TFR2: variants seen among roughly 807,000 people sequenced by gnomAD.
TFR2 encodes transferrin receptor 2.
In TFR2, 64 loss-of-function variants were observed where a neutral mutation model predicts 91.9. The ratio of observed to expected loss-of-function variants is 0.70; its 90% CI spans 0.57 to 0.86. The LOEUF is 0.86. Ranked by LOEUF, TFR2 falls within the 40% of genes least tolerant of loss-of-function variation. The probability of loss-of-function intolerance (pLI) is 0.00; values close to 1 mark genes in which losing one functional copy is unlikely to be tolerated. For missense variants in TFR2, 950 were observed against 1,080.5 expected, an observed-to-expected ratio of 0.88 and a Z score of 1.69; for synonymous variants, 454 against 459.6, an observed-to-expected ratio of 0.99 and a Z score of 0.15.
In TFR2 at chr7:100,627,574, C is replaced by T; in HGVS notation, c.1767+3G>A. ...TGTCTGGGGCAGGGGGAGGACGTCTCACCTCCATAAAGGAGAACTCGACGG... is the reference window on the plus strand; with the variant it reads ...TGTCTGGGGCAGGGGGAGGACGTCTTACCTCCATAAAGGAGAACTCGACGG... On this transcript the variant is annotated splice_donor_region_variant and intron_variant, in intron 15 of 17. Coordinates refer to ENST00000223051, the MANE Select transcript of TFR2 (RefSeq NM_003227.4). 1 of 1,614,138 alleles carries T rather than the reference C, an allele frequency of 6.2e-7. No homozygotes were observed. Among genetic ancestry groups the T allele is most frequent in the Non-Finnish European group, 8.5e-7 (1 of 1,179,994 alleles).
At chr7:100,637,466 C>G (rs962183768) in intron 3 of TFR2, among the ~76,000 whole-genome samples, 1 of 151,566 alleles carries the variant, frequency 6.6e-6, no homozygotes, top group South Asian at 2.1e-4. Flanking sequence ...TGGTGGCTCA[C>G]GCCTGTAGTC....
intron 7 of TFR2, 68 bp from the exon 8 acceptor site, chr7:100,632,013 G>C: frequency 6.2e-7 from 1 of 1,614,054 alleles, no homozygotes; most frequent in Non-Finnish European, 8.5e-7. Context: ...AAACATGCCA[G>C]CCCTATTCTG....
chr7:100,631,138 C>T, intron 8 of TFR2, 86 bp from the exon 9 acceptor site: 1 of 1,393,508 alleles, frequency 7.2e-7, no homozygotes, highest in South Asian at 1.5e-5. Context: ...CTTTCCCTCC[C>T]ACCCTTTCTG....
In TFR2 at chr7:100,641,081, G is replaced by T. The variant is rs750469376; in HGVS notation, c.181C>A (p.Pro61Thr). Residue 61 changes from proline (P) to threonine (T), a missense_variant, in exon 2 of 18, where the codon CCC (proline) becomes ACC (threonine). Physicochemically the swap from Pro to Thr is conservative, Grantham distance 38. Coordinates refer to ENST00000223051, the MANE Select transcript of TFR2 (RefSeq NM_003227.4). ...FCPMELRGPE[P>T]LGSRPRQPNL... ...GGCTGCCTGGGTCTAGAGCCCAGGG[G>T]CTCAGGGCCCCTCAGCTCCATGGGG... is the stretch of plus-strand genomic sequence containing the variant. 1 of 1,601,292 alleles carries T rather than the reference G, an allele frequency of 6.2e-7. No individual in the cohort carries two copies. Among genetic ancestry groups the T allele is most frequent in the African/African-American group, 1.3e-5 (1 of 74,452 alleles).
At chr7:100,636,974 G>A (rs1186961540) in intron 3 of TFR2, among the ~76,000 whole-genome samples, 1 of 152,164 alleles carries the variant, frequency 6.6e-6, no homozygotes, top group Non-Finnish European at 1.5e-5. Context: ...AATAAAAGTA[G>A]CCCTGAACAG....
intron 6 of TFR2, 40 bp from the exon 7 acceptor site, chr7:100,632,238 A>C: frequency 6.3e-7 from 1 of 1,580,726 alleles, no homozygotes; most frequent in Non-Finnish European, 8.7e-7. Context: ...CCCAGAAAAA[A>C]ACCCGATTCA....
At chr7:100,636,500 C>T (rs903428699) in intron 3 of TFR2, among the ~76,000 whole-genome samples, 9 of 149,718 alleles carry the variant, frequency 6.0e-5, no homozygotes, top group East Asian at 2.0e-4. Context: ...TGTCATTACC[C>T]GCACTCCATC....
Position 100,641,085 on chromosome 7 carries a change from A to G in TFR2, c.177T>C (p.Pro59=), listed in dbSNP as rs961591005. 3.1e-6 allele frequency: 5 copies of G among 1,600,110 alleles called. No homozygotes were observed. Among genetic ancestry groups the G allele is most frequent in the Admixed American group, 3.5e-5 (2 of 57,834 alleles). ...AHFCPMELRG[P]EPLGSRPRQP... ...GCCTGGGTCTAGAGCCCAGGGGCTCAGGGCCCCTCAGCTCCATGGGGCAGA... is the reference window on the plus strand; with the variant it reads ...GCCTGGGTCTAGAGCCCAGGGGCTCGGGGCCCCTCAGCTCCATGGGGCAGA... Residue 59 remains proline (P), a synonymous_variant, in exon 2 of 18, where the codon CCT becomes CCC. Coordinates refer to ENST00000223051, the MANE Select transcript of TFR2 (RefSeq NM_003227.4).
Position 100,627,822 on chromosome 7 carries a change from T to C in TFR2, c.1606-2A>G, listed in dbSNP as rs750609759. ...CCCACTGTGGTTGGGAGAATCCACC[T>C]GGGGGTTGGGGAAGGGCACTGATCA... is the stretch of plus-strand genomic sequence containing the variant. On this transcript the variant is annotated splice_acceptor_variant, in intron 13 of 17. Coordinates refer to ENST00000223051, the MANE Select transcript of TFR2 (RefSeq NM_003227.4). LOFTEE classifies it high-confidence loss of function. The C allele has an allele frequency of 7.2e-5, 117 of 1,613,868 alleles. 1 individual carries two copies. Among genetic ancestry groups the C allele is most frequent in the Non-Finnish European group, 9.8e-5 (116 of 1,179,970 alleles).
In TFR2 at chr7:100,627,571, T is replaced by C. The variant is rs750051302; in HGVS notation, c.1767+6A>G. ...CTGTGTCTGGGGCAGGGGGAGGACGTCTCACCTCCATAAAGGAGAACTCGA... is the reference window on the plus strand; with the variant it reads ...CTGTGTCTGGGGCAGGGGGAGGACGCCTCACCTCCATAAAGGAGAACTCGA... On this transcript the variant is annotated splice_donor_region_variant and intron_variant, in intron 15 of 17. Transcript: ENST00000223051. The C allele has an allele frequency of 1.2e-5, 19 of 1,613,870 alleles. No individual in the cohort carries two copies. The East Asian group carries it at 3.6e-4, about 30-fold the overall frequency.
rs747347518 is a variant in TFR2, at chr7:100,621,088, G to C, written c.2175C>G (p.Ala725=). 1 of 1,541,942 alleles carries C rather than the reference G, an allele frequency of 6.5e-7. No individual in the cohort carries two copies. The stretch of plus-strand genomic sequence containing the variant: ...TGAAGATGTGGCGGAACGGGGAGTC[G>C]GCTGGCGACACGTACTGGGAAAGGA... ...FYFLSQYVSP[A]DSPFRHIFMG... is the part of the protein sequence containing the mutation. The change falls in exon 18 of 18, where the codon GCC becomes GCG. Residue 725 remains alanine, a synonymous_variant. Coordinates refer to ENST00000223051, the MANE Select transcript of TFR2 (RefSeq NM_003227.4).
At position 100,626,966 on chromosome 7, in the gene TFR2, G is replaced by A. The variant is rs1022386865; in HGVS notation, c.1996-63C>T. ...GGCCAGGACCCCCGCCTAGCATGGG[G>A]ACAAGGACCCCCGCCTAGCATGGGG... On this transcript the variant is annotated intron_variant, in intron 16 of 17. Coordinates refer to ENST00000223051, the MANE Select transcript of TFR2 (RefSeq NM_003227.4). The A allele has an allele frequency of 1.1e-5, 16 of 1,504,708 alleles. No individual in the cohort carries two copies. In the Admixed American group the frequency reaches 3.2e-4, roughly 30 times the overall value. 93.2% of individuals were successfully genotyped at this position (1,504,708 alleles called of 1,614,324 possible).
Position 100,631,894 on chromosome 7 carries a change from G to A in TFR2, c.1018C>T (p.Gln340Ter). 4 of 1,614,050 alleles carry A rather than the reference G, an allele frequency of 2.5e-6. No individual in the cohort carries two copies. The highest frequency in any genetic ancestry group is 1.3e-5 in the African/African-American group (1 of 75,036). ...GATGCAACTGGAGGGAACTGGGTTTGATTGAAGGAAGGGAAGCCAGGTGTG... is the reference window on the plus strand; with the variant it reads ...GATGCAACTGGAGGGAACTGGGTTTAATTGAAGGAAGGGAAGCCAGGTGTG... Reference protein sequence around the residue: ...PYTPGFPSFNQTQFPPVASSG... With the variant: ...PYTPGFPSFN The change falls in exon 8 of 18, where the codon CAA becomes TAA. Residue 340 changes from glutamine (Q) to a stop codon, truncating the protein, a stop_gained. Transcript: ENST00000223051. LOFTEE classifies it high-confidence loss of function.
rs764385683 is a variant in TFR2, at chr7:100,640,845, C to T, written c.314G>A (p.Arg105Gln). The T allele has an allele frequency of 1.1e-5, 18 of 1,613,990 alleles. No individual in the cohort carries two copies. Among genetic ancestry groups the T allele is most frequent in the Non-Finnish European group, 1.4e-5 (16 of 1,180,032 alleles). The change falls in exon 3 of 18, where the codon CGA becomes CAA. Residue 105 changes from arginine to glutamine, a missense_variant. Transcript: ENST00000223051. Reference protein sequence around the residue: ...GAFLLGYVAFRGSCQACGDSV... With the variant: ...GAFLLGYVAFQGSCQACGDSV... ...GTCTCCGCACGCCTGGCAGGACCCTCGGAAGGCGACGTAGCCCAGTAGGAA... is the reference window on the plus strand; with the variant it reads ...GTCTCCGCACGCCTGGCAGGACCCTTGGAAGGCGACGTAGCCCAGTAGGAA...
intron 6 of TFR2, 81 bp downstream of exon 6, chr7:100,632,920 C>A: frequency 6.2e-7 from 1 of 1,610,694 alleles, no homozygotes; most frequent in Non-Finnish European, 8.5e-7. Context: ...CTCCCTCTCA[C>A]AGCACCCTGA....
chr7:100,638,396 G>A (rs1472679477), intron 3 of TFR2, among the ~76,000 whole-genome samples: 1 of 151,940 alleles, frequency 6.6e-6, no homozygotes, highest in Non-Finnish European at 1.5e-5. Context: ...AGGATTGTTT[G>A]AGGCCAGTAG....
chr7:100,631,093 A>T (rs1224572191), intron 8 of TFR2, 41 bp from the exon 9 acceptor site: 1 of 1,490,090 alleles, frequency 6.7e-7, no homozygotes, highest in East Asian at 2.3e-5. Flanking sequence ...TTGTAGAGAG[A>T]CCCAGAAGAG....
chr7:100,627,129 G>C (rs1022248312), intron 16 of TFR2, 135 bp downstream of exon 16: 10 of 1,248,944 alleles, frequency 8.0e-6, no homozygotes, highest in African/African-American at 4.5e-5. Context: ...TGGGAGACTG[G>C]AGGCAGGGGG....
intron 3 of TFR2, chr7:100,640,372 G>C (rs986898739): frequency 2.8e-6 from 1 of 362,316 alleles, no homozygotes; most frequent in African/African-American, 2.1e-5. Flanking sequence ...AAATCTAGGC[G>C]CCTGGGTGAG....
Sources: allele counts gnomAD v4.1 joint callset (sites outside exome capture counted in the v4.1 genomes callset), GRCh38; gene constraint gnomAD v4.1.1; transcripts MANE v1.5; gene names NCBI Gene and HGNC (gene_info 2026-07-23, HGNC 2026-07-21).